CTBP1: variants seen among roughly 807,000 people sequenced by gnomAD.
CTBP1 encodes the protein C-terminal-binding protein 1.
CTBP1 carries 11 observed loss-of-function variants against 42.1 expected under a neutral mutation model. That is an observed-to-expected ratio of 0.26 (90% CI 0.16 to 0.43). CTBP1 has a LOEUF of 0.43. Ranked by LOEUF, CTBP1 falls within the 20% of genes least tolerant of loss-of-function variation. The pLI is 1.00. For missense variants in CTBP1, 399 were observed against 624.3 expected, an observed-to-expected ratio of 0.64 and a Z score of 3.85; for synonymous variants, 324 against 277.1, an observed-to-expected ratio of 1.17 and a Z score of -1.68.
chr4:1,238,061 CAG>C lies in CTBP1; in HGVS notation c.162+120_162+121del, dbSNP rs747402058. 2 of 1,319,122 alleles carry C rather than the reference CAG, an allele frequency of 1.5e-6. No homozygotes were observed. The highest frequency in any genetic ancestry group is 4.6e-5 in the East Asian group (2 of 43,522). The allele number at this position is 1,319,122 out of a possible 1,614,324, so 81.7% of individuals were successfully genotyped here. On this transcript the variant is annotated intron_variant, in intron 3 of 9. Transcript: ENST00000382952. The surrounding 1 kb of genome is among the most constrained non-coding windows in gnomAD (Gnocchi z 5.9). ...TCCTGACGGCGCGGGACGACTGGGA[CAG>C]AGGCTGCTCCTGCCCCAGTGGCACC...
intron 1 of CTBP1, chr4:1,242,195 C>G (rs1472124233): frequency 2.0e-6 from 2 of 985,342 alleles, no homozygotes; most frequent in African/African-American, 1.7e-5. Flanking sequence ...TGCACAGGGG[C>G]AGGGGGCCCC....
chr4:1,223,364 C>G (rs1729960162), intron 5 of CTBP1: 1 of 445,906 alleles, frequency 2.2e-6, no homozygotes, highest in Admixed American at 2.5e-5. Context: ...AGAGACGTGT[C>G]CAGGAAGAGA....
At chr4:1,245,192 C>T (rs1207266321) in intron 1 of CTBP1, 1 of 985,364 alleles carries the variant, frequency 1.0e-6, no homozygotes, top group African/African-American at 1.7e-5. Flanking sequence ...GCCAGGGAGC[C>T]ACCGCACTCC....
rs369272423 is a variant in CTBP1, at chr4:1,213,592, G to A, written c.874C>T (p.Pro292Ser). The change falls in exon 8 of 10, where the codon CCT (proline) becomes TCT (serine). Residue 292 changes from proline to serine, a missense_variant. Pro to Ser is a moderately conservative substitution (Grantham distance 74). Transcript: ENST00000382952. ...ESEPFSFSQG[P>S]LKDAPNLICT... is the part of the protein sequence containing the mutation. ...ATGAGGTTGGGTGCATCCTTCAGAGGGCCCTGGCTAAAGCTGGGAACAGCA... is the reference window on the plus strand; with the variant it reads ...ATGAGGTTGGGTGCATCCTTCAGAGAGCCCTGGCTAAAGCTGGGAACAGCA... 9.7e-5 allele frequency: 156 copies of A among 1,612,980 alleles called. No homozygotes were observed. The highest frequency in any genetic ancestry group is 1.3e-4 in the Non-Finnish European group (151 of 1,179,894).
rs190868085 is a variant in CTBP1, at chr4:1,233,576, C to G, written c.162+4607G>C. On this transcript the variant is annotated intron_variant, in intron 3 of 9. Coordinates refer to ENST00000382952, the MANE Select transcript of CTBP1 (RefSeq NM_001012614.2). This position sits in a 1 kb window ranked among gnomAD's most constrained non-coding sequence, Gnocchi z 4.6. Reference sequence around the variant, plus strand: ...GTTTGATCAGATGTGCAGTGCTGGGCTGAAAACCCTTCTCCTGTGGAAATT... The same window carrying G: ...GTTTGATCAGATGTGCAGTGCTGGGGTGAAAACCCTTCTCCTGTGGAAATT... Among the ~76,000 whole-genome samples, 1 of 152,268 alleles carries G rather than the reference C, an allele frequency of 6.6e-6. No individual in the cohort carries two copies. Among genetic ancestry groups the G allele is most frequent in the Non-Finnish European group, 1.5e-5 (1 of 68,010 alleles).
rs906572453 is a variant in CTBP1 at position 1,213,824 on chromosome 4, G to A, written c.861-219C>T. 6.3e-5 allele frequency: 36 copies of A among 568,246 alleles called. No individual in the cohort carries two copies. The East Asian group carries it at 1.1e-3, about 17-fold the overall frequency. 35.2% of individuals were successfully genotyped at this position (568,246 alleles called of 1,614,324 possible). A position where few individuals can be genotyped will look rare whatever the true frequency, so the allele number is the denominator to read the frequency against. ...GACAGCGGCGGGTGTGGGAGCCCAA[G>A]GGATTTAATCTCCAAGTCCCTCGTG... is the stretch of plus-strand genomic sequence containing the variant. On this transcript the variant is annotated intron_variant, in intron 7 of 9. Transcript: ENST00000382952.
At chr4:1,225,587 C>T (rs1339039574) in intron 4 of CTBP1, 21 bp from the exon 5 acceptor site, 13 of 1,533,280 alleles carry the variant, frequency 8.5e-6, no homozygotes, top group South Asian at 1.2e-5. Context: ...AAGGACACGG[C>T]GGTCACCCCC....
chr4:1,229,404 T>C (rs1164578169), intron 3 of CTBP1, among the ~76,000 whole-genome samples: 6 of 152,224 alleles, frequency 3.9e-5, no homozygotes, highest in Non-Finnish European at 2.9e-5. Flanking sequence ...CACCAGGACA[T>C]GCAGGCCTCG....
intron 5 of CTBP1, among the ~76,000 whole-genome samples, chr4:1,218,857 G>C (rs1242259687): frequency 1.3e-5 from 2 of 152,140 alleles, no homozygotes; most frequent in Non-Finnish European, 2.9e-5. Flanking sequence ...TAATATAAAA[G>C]AAGGCCAGAA....
chr4:1,214,319 G>A, intron 7 of CTBP1, 24 bp downstream of exon 7: 1 of 1,532,644 alleles, frequency 6.5e-7, no homozygotes, highest in Non-Finnish European at 8.7e-7. Context: ...AAGAGCAGGG[G>A]GGCGGCACTG....
chr4:1,245,579 G>A (rs1732632569), intron 1 of CTBP1: 6 of 981,632 alleles, frequency 6.1e-6, no homozygotes, highest in African/African-American at 1.7e-5. Context: ...ACGGTGACAC[G>A]GGCGGCAGGG....
At chr4:1,234,398 G>A (rs747705126) in intron 3 of CTBP1, among the ~76,000 whole-genome samples, 13 of 152,296 alleles carry the variant, frequency 8.5e-5, no homozygotes, top group Admixed American at 2.6e-4. Flanking sequence ...ATGCCAGGAC[G>A]GTTCCCAACA....
intron 4 of CTBP1, among the ~76,000 whole-genome samples, chr4:1,226,773 CCA>C (rs1730395621): frequency 1.3e-5 from 2 of 151,828 alleles, no homozygotes; most frequent in Admixed American, 1.3e-4. Context: ...TGGGACGCCA[CCA>C]CAGAGACAAA....
At chr4:1,218,307 G>C (rs1729364430) in intron 5 of CTBP1, 1 of 152,138 alleles carries the variant, frequency 6.6e-6, no homozygotes, top group Admixed American at 6.5e-5. Context: ...GGGAGGCTGA[G>C]GCAGGAGAAT....
chr4:1,225,245 G>A, intron 5 of CTBP1, 115 bp downstream of exon 5: 1 of 1,272,896 alleles, frequency 7.9e-7, no homozygotes, highest in Non-Finnish European at 1.1e-6. Flanking sequence ...CCTGGGTTGG[G>A]ACCGACACCT....
Position 1,225,408 on chromosome 4 carries a change from A to G in CTBP1, c.466T>C (p.Ser156Pro). ...QSVEQIREVA[S>P]GAARIRGETL... is the part of the protein sequence containing the mutation. ...TCCCCGCGGATCCTGGCAGCGCCGG[A>G]CGCCACCTCGCGGATCTGCTCGACG... The change falls in exon 5 of 10, where the codon TCC becomes CCC. Residue 156 changes from serine to proline, a missense_variant. Around this residue, in one of 4 missense-constraint regions of CTBP1, gnomAD observed 309 missense variants for 497.5 expected, o/e 0.62. Coordinates refer to ENST00000382952, the MANE Select transcript of CTBP1 (RefSeq NM_001012614.2). The G allele has an allele frequency of 6.4e-7, 1 of 1,566,520 alleles. No individual in the cohort carries two copies. Among genetic ancestry groups the G allele is most frequent in the South Asian group, 1.2e-5 (1 of 85,728 alleles).
At chr4:1,242,421 C>T (rs973702721) in intron 1 of CTBP1, 10 of 985,262 alleles carry the variant, frequency 1.0e-5, no homozygotes, top group Admixed American at 1.2e-4. Context: ...AGACGACTGC[C>T]TGCCAGGCCA....
At chr4:1,223,534 G>C in intron 5 of CTBP1, 1 of 455,596 alleles carries the variant, frequency 2.2e-6, no homozygotes, top group Non-Finnish European at 4.4e-6. Flanking sequence ...GGAAGCGGGG[G>C]GCCGGCCGGT....
chr4:1,230,736 G>A (rs1201160611), intron 3 of CTBP1, among the ~76,000 whole-genome samples: 1 of 152,266 alleles, frequency 6.6e-6, no homozygotes, highest in African/African-American at 2.4e-5. Flanking sequence ...ATTCGGAGGA[G>A]ACAGCGATCA....
Sources: allele counts gnomAD v4.1 joint callset (sites outside exome capture counted in the v4.1 genomes callset), GRCh38; gene constraint gnomAD v4.1.1; regional missense constraint gnomAD v4.1.1; non-coding constraint Gnocchi (gnomAD v3.1); transcripts MANE v1.5; gene names NCBI Gene and HGNC (gene_info 2026-07-23, HGNC 2026-07-21).